PKD1L1: variants seen among roughly 807,000 people sequenced by gnomAD.
The protein encoded by PKD1L1 is polycystin 1 like 1, transient receptor potential channel interacting.
Under a neutral mutation model 323.4 loss-of-function variants are expected in PKD1L1, and 236 were observed. The ratio of observed to expected loss-of-function variants is 0.73; its 90% CI spans 0.66 to 0.81. PKD1L1 has a LOEUF of 0.81. Ranked by LOEUF, PKD1L1 falls within the 40% of genes least tolerant of loss-of-function variation. The pLI, the probability that PKD1L1 is intolerant of heterozygous loss-of-function variation, is 0.00. For missense variants in PKD1L1, 3,320 were observed against 3,508.0 expected (o/e 0.95, Z 1.35); for synonymous variants, 1,344 against 1,335.0 (o/e 1.01, Z -0.15).
At chr7:47,799,606 A>T (rs1424239711) in intron 54 of PKD1L1, among the ~76,000 whole-genome samples, 1 of 152,244 alleles carries the variant, frequency 6.6e-6, no homozygotes, top group Non-Finnish European at 1.5e-5. Context: ...AGGCATGCTC[A>T]GAGCCTTTGG....
At chr7:47,956,594 T>C in the PKD1L1 span, among the ~76,000 whole-genome samples, 1 of 152,186 alleles carries the variant, frequency 6.6e-6, no homozygotes, top group Non-Finnish European at 1.5e-5. Flanking sequence ...CAAAGCCAGA[T>C]TGCAAAGACT....
At chr7:47,943,640 C>T (rs1055579510) in intron 1 of PKD1L1, 129 bp from the exon 2 acceptor site, 4 of 676,358 alleles carry the variant, frequency 5.9e-6, no homozygotes, top group Non-Finnish European at 7.7e-6. Flanking sequence ...AAATTGGCTG[C>T]CATATGAACA....
chr7:47,815,774 C>A (rs1249706900), intron 46 of PKD1L1, among the ~76,000 whole-genome samples: 3 of 152,142 alleles, frequency 2.0e-5, no homozygotes, highest in African/African-American at 7.2e-5. Context: ...AAAATCAATT[C>A]TCTGCCCTCC....
At chr7:47,871,169 C>T (rs112149560) in intron 24 of PKD1L1, among the ~76,000 whole-genome samples, 5 of 152,166 alleles carry the variant, frequency 3.3e-5, no homozygotes, top group Non-Finnish European at 7.4e-5. Flanking sequence ...AAGATGTATA[C>T]ATCATGACCA....
At chr7:47,860,117 A>G (rs1785993718) in intron 26 of PKD1L1, among the ~76,000 whole-genome samples, 1 of 152,242 alleles carries the variant, frequency 6.6e-6, no homozygotes, top group African/African-American at 2.4e-5. Context: ...ATTTTTATCC[A>G]TGAACACTTT....
intron 37 of PKD1L1, 83 bp from the exon 38 acceptor site, chr7:47,835,326 T>A (rs1349351825): frequency 1.2e-6 from 1 of 816,964 alleles, no homozygotes; most frequent in Non-Finnish European, 2.0e-6. Flanking sequence ...TACAAATACA[T>A]GTAATGTGAA....
rs751971129 is a variant in PKD1L1 at position 47,857,742 on chromosome 7, C to G, written c.4453G>C (p.Gly1485Arg). 3.7e-6 allele frequency: 6 copies of G among 1,614,080 alleles called. No individual in the cohort carries two copies. Among genetic ancestry groups the G allele is most frequent in the Non-Finnish European group, 5.1e-6 (6 of 1,180,020 alleles). The change falls in exon 28 of 57, where the codon GGA (glycine) becomes CGA (arginine). Residue 1485 changes from glycine (G) to arginine (R), a missense_variant. By Grantham distance (125) the Gly-to-Arg change is moderately radical. Coordinates refer to ENST00000289672, the MANE Select transcript of PKD1L1 (RefSeq NM_138295.5). ...YNLQSSVQSLGSVQVHLPGDL... is the reference protein window; with the variant it reads ...YNLQSSVQSLRSVQVHLPGDL... ...CCAGGTAAATGCACCTGGACAGATCCCAGGCTCTGGACAGAGCTCTGAAGG... is the reference window on the plus strand; with the variant it reads ...CCAGGTAAATGCACCTGGACAGATCGCAGGCTCTGGACAGAGCTCTGAAGG...
In PKD1L1 at chr7:47,879,805, C is replaced by T. The variant is rs1786495227; in HGVS notation, c.3520+923G>A. On this transcript the variant is annotated intron_variant, in intron 21 of 56. Transcript: ENST00000289672. Reference sequence around the variant, plus strand: ...AAAATTAGCTGGGCGTGGTGGCAGGCAGCTGTAGTCCCAGCTATTCGGGAG... The same window carrying T: ...AAAATTAGCTGGGCGTGGTGGCAGGTAGCTGTAGTCCCAGCTATTCGGGAG... Among the ~76,000 whole-genome samples, 3 of 148,240 alleles carry T rather than the reference C, an allele frequency of 2.0e-5. 1 individual carries two copies. In the South Asian group the frequency reaches 6.4e-4, roughly 32 times the overall value.
intron 24 of PKD1L1, among the ~76,000 whole-genome samples, chr7:47,870,097 C>T (rs537387368): frequency 6.6e-6 from 1 of 151,798 alleles, no homozygotes; most frequent in Non-Finnish European, 1.5e-5. Flanking sequence ...TAAATCAGTG[C>T]TTGAAGGGAA....
intron 54 of PKD1L1, among the ~76,000 whole-genome samples, chr7:47,800,292 A>G (rs1230061942): frequency 1.3e-5 from 2 of 152,230 alleles, no homozygotes; most frequent in East Asian, 3.8e-4. Context: ...GATAAGATGG[A>G]AAGACTGAGA....
Position 47,824,950 on chromosome 7 carries a change from G to A in PKD1L1, c.6854+2400C>T, listed in dbSNP as rs79093982. 4.6e-3 allele frequency among the ~76,000 whole-genome samples: 696 copies of A among 152,346 alleles called. 6 individuals are homozygous for A. The highest frequency in any genetic ancestry group is 0.016 in the African/African-American group (649 of 41,592). On this transcript the variant is annotated intron_variant, in intron 45 of 56. Transcript: ENST00000289672. ...TTTTACTTACTGTGTCTGTAAGAGT[G>A]ATTGTAAAAAGTGTGGATGCTGGAT...
intron 56 of PKD1L1, among the ~76,000 whole-genome samples, chr7:47,783,604 T>C (rs1369655343): frequency 6.6e-6 from 1 of 152,144 alleles, no homozygotes; most frequent in Non-Finnish European, 1.5e-5. Context: ...TATGATTGTG[T>C]TATAAAAAGA....
intron 31 of PKD1L1, among the ~76,000 whole-genome samples, chr7:47,847,447 G>C (rs1785689594): frequency 6.6e-6 from 1 of 152,274 alleles, no homozygotes; most frequent in East Asian, 1.9e-4. Context: ...CCCACTTCCT[G>C]CTCCTCGCCA....
chr7:47,791,410 T>C lies in PKD1L1; in HGVS notation c.8526+1217A>G, dbSNP rs867452555. On this transcript the variant is annotated intron_variant, in intron 56 of 56. Coordinates refer to ENST00000289672, the MANE Select transcript of PKD1L1 (RefSeq NM_138295.5). ...ACTCTGTTAATTCACTGTCTTTTTA[T>C]TTCATCTTGGAGTTCTTTCATCTTG... 7.2e-5 allele frequency among the ~76,000 whole-genome samples: 11 copies of C among 152,310 alleles called. No individual in the cohort carries two copies. The South Asian group carries it at 2.3e-3, about 32-fold the overall frequency.
chr7:47,798,398 C>T (rs1327495673), intron 54 of PKD1L1, among the ~76,000 whole-genome samples: 2 of 152,202 alleles, frequency 1.3e-5, no homozygotes, highest in Non-Finnish European at 2.9e-5. Flanking sequence ...CCATACCTCA[C>T]ATCTTACATT....
chr7:47,912,815 C>CA (rs59792729), intron 8 of PKD1L1, among the ~76,000 whole-genome samples: 5,557 of 63,446 alleles, frequency 0.088, 399 homozygotes, highest in East Asian at 0.21. Context: ...GACTGTGTCT[C>CA]AAAAAAAAAA....
chr7:47,927,302 G>A (rs1233178948), intron 7 of PKD1L1, among the ~76,000 whole-genome samples: 2 of 150,168 alleles, frequency 1.3e-5, no homozygotes, highest in Non-Finnish European at 3.0e-5. Context: ...TTTTTGAGAT[G>A]GAGTCTTGCC....
chr7:47,821,031 T>C (rs1291953209), intron 46 of PKD1L1, 45 bp downstream of exon 46: 2 of 1,177,904 alleles, frequency 1.7e-6, no homozygotes, highest in African/African-American at 3.0e-5. Flanking sequence ...GGCTATGGAA[T>C]AGTGCAATGG....
chr7:47,824,954 G>A (rs1371441612), intron 45 of PKD1L1, among the ~76,000 whole-genome samples: 20 of 152,218 alleles, frequency 1.3e-4, no homozygotes, highest in Admixed American at 1.2e-3. Flanking sequence ...AAGAGTGATT[G>A]TAAAAAGTGT....
Sources: allele counts gnomAD v4.1 joint callset (sites outside exome capture counted in the v4.1 genomes callset), GRCh38; gene constraint gnomAD v4.1.1; transcripts MANE v1.5; gene names NCBI Gene and HGNC (gene_info 2026-07-23, HGNC 2026-07-21).